CDKAL1: variants seen among roughly 807,000 people sequenced by gnomAD.
The protein encoded by CDKAL1 is threonylcarbamoyladenosine tRNA methylthiotransferase.
In CDKAL1, 32 loss-of-function variants were observed where a neutral mutation model predicts 68.2. The observed-to-expected ratio is 0.47, with a 90% CI of 0.35 to 0.63. The LOEUF is 0.63. CDKAL1 is among the 30% of genes least tolerant of loss of function. CDKAL1 has a pLI of 0.00. For synonymous variants in CDKAL1, 234 were observed against 244.3 expected (o/e 0.96, Z 0.39); for missense variants, 606 against 696.7 (o/e 0.87, Z 1.47).
intron 7 of CDKAL1, among the ~76,000 whole-genome samples, chr6:20,771,152 G>A (rs1275734087): frequency 6.6e-6 from 1 of 152,142 alleles, no homozygotes. Flanking sequence ...CTCATCTATG[G>A]TATTATGGAA....
At chr6:20,556,734 T>C (rs1764057739) in intron 4 of CDKAL1, among the ~76,000 whole-genome samples, 1 of 152,110 alleles carries the variant, frequency 6.6e-6, no homozygotes, top group African/African-American at 2.4e-5. Context: ...TTACAGAAAT[T>C]ATTTAAAAAC....
chr6:20,571,293 T>TC (rs1174387199), intron 4 of CDKAL1, among the ~76,000 whole-genome samples: 2 of 152,214 alleles, frequency 1.3e-5, no homozygotes, highest in Non-Finnish European at 2.9e-5. Context: ...ACTCCTCTGT[T>TC]CCCTGGTTCT....
At chr6:21,068,835 T>G (rs905498820) in intron 12 of CDKAL1, among the ~76,000 whole-genome samples, 1 of 152,194 alleles carries the variant, frequency 6.6e-6, no homozygotes, top group Non-Finnish European at 1.5e-5. Context: ...TTTCTGTCCT[T>G]AAATGAAGTA....
chr6:21,015,089 A>G (rs956393148), intron 11 of CDKAL1, among the ~76,000 whole-genome samples: 1 of 152,208 alleles, frequency 6.6e-6, no homozygotes, highest in African/African-American at 2.4e-5. Flanking sequence ...TAACAATCCC[A>G]GGTGTCTAGT....
At chr6:20,901,732 C>T (rs1761989004) in intron 9 of CDKAL1, among the ~76,000 whole-genome samples, 1 of 149,742 alleles carries the variant, frequency 6.7e-6, no homozygotes, top group Non-Finnish European at 1.5e-5. Flanking sequence ...TCCAGCAACT[C>T]AGAAACTGGG....
intron 5 of CDKAL1, among the ~76,000 whole-genome samples, chr6:20,670,504 T>C (rs1769760727): frequency 6.6e-6 from 1 of 152,222 alleles, no homozygotes; most frequent in Admixed American, 6.5e-5. Flanking sequence ...CGTCTCCCAT[T>C]AGCTTTTGAC....
chr6:20,941,109 A>AG (rs1050820397), intron 9 of CDKAL1, among the ~76,000 whole-genome samples: 2 of 151,662 alleles, frequency 1.3e-5, no homozygotes, highest in Non-Finnish European at 2.9e-5. Context: ...AAAAAAAAAA[A>AG]AGCACATCTT....
intron 5 of CDKAL1, among the ~76,000 whole-genome samples, chr6:20,654,102 C>T (rs1392526072): frequency 1.3e-5 from 2 of 151,584 alleles, no homozygotes; most frequent in African/African-American, 4.8e-5. Flanking sequence ...AGGCTGATCT[C>T]GAACTTCTGA....
chr6:20,702,840 C>T (rs769468162), intron 5 of CDKAL1, among the ~76,000 whole-genome samples: 4 of 152,142 alleles, frequency 2.6e-5, no homozygotes, highest in Non-Finnish European at 5.9e-5. Context: ...GGGTGGAGCC[C>T]TAGCCAGGGG....
intron 5 of CDKAL1, among the ~76,000 whole-genome samples, chr6:20,702,096 G>C (rs540641909): frequency 6.6e-6 from 1 of 152,286 alleles, no homozygotes; most frequent in African/African-American, 2.4e-5. Context: ...CTCCTGTGCT[G>C]TTTGGTGTTT....
chr6:20,743,176 T>C (rs561697666), intron 6 of CDKAL1, among the ~76,000 whole-genome samples: 2 of 152,314 alleles, frequency 1.3e-5, no homozygotes, highest in African/African-American at 4.8e-5. Context: ...AGAATTGTAT[T>C]GCACGATTGA....
chr6:20,602,078 G>T (rs1581798755), intron 4 of CDKAL1, among the ~76,000 whole-genome samples: 1 of 152,152 alleles, frequency 6.6e-6, no homozygotes, highest in Admixed American at 6.5e-5. Context: ...AGCTTCATGG[G>T]TACTTACATG....
intron 12 of CDKAL1, among the ~76,000 whole-genome samples, chr6:21,100,168 A>C (rs1215792898): frequency 6.6e-6 from 1 of 152,030 alleles, no homozygotes; most frequent in Non-Finnish European, 1.5e-5. Context: ...CCTTCCTCTA[A>C]GGTTATTTTA....
intron 6 of CDKAL1, among the ~76,000 whole-genome samples, chr6:20,758,174 A>G (rs1774307574): frequency 6.6e-6 from 1 of 152,160 alleles, no homozygotes; most frequent in African/African-American, 2.4e-5. Flanking sequence ...AATAATAAAG[A>G]TAGAATTTGG....
chr6:21,096,168 G>A (rs1277868140), intron 12 of CDKAL1, among the ~76,000 whole-genome samples: 1 of 152,116 alleles, frequency 6.6e-6, no homozygotes, highest in Non-Finnish European at 1.5e-5. Flanking sequence ...AACAATTTTC[G>A]AGCTTCTCTT....
intron 4 of CDKAL1, among the ~76,000 whole-genome samples, chr6:20,580,938 C>T (rs1246091101): frequency 3.3e-5 from 5 of 152,160 alleles, no homozygotes; most frequent in South Asian, 2.1e-4. Context: ...TATAGGCATG[C>T]GCCACCACGC....
At chr6:20,672,558 G>T (rs544682006) in intron 5 of CDKAL1, among the ~76,000 whole-genome samples, 14 of 151,866 alleles carry the variant, frequency 9.2e-5, no homozygotes, top group African/African-American at 3.4e-4. Context: ...CACCATATTG[G>T]CCAGGTGGCT....
intron 9 of CDKAL1, among the ~76,000 whole-genome samples, chr6:20,930,597 A>G (rs1581852192): frequency 6.6e-6 from 1 of 152,196 alleles, no homozygotes; most frequent in East Asian, 1.9e-4. Flanking sequence ...GTGGACCCAC[A>G]TCCCCTCATT....
At chr6:20,995,725 A>G (rs12660707) in intron 10 of CDKAL1, among the ~76,000 whole-genome samples, 9,516 of 152,270 alleles carry the variant, frequency 0.062, 415 homozygotes, top group East Asian at 0.19. Flanking sequence ...TAGAATTTTC[A>G]GAATGGTAAA....
Sources: allele counts gnomAD v4.1 joint callset (sites outside exome capture counted in the v4.1 genomes callset), GRCh38; gene constraint gnomAD v4.1.1; transcripts MANE v1.5; gene names NCBI Gene and HGNC (gene_info 2026-07-23, HGNC 2026-07-21).